The following CDC73 variants were observed in gnomAD, a reference collection of about 807,000 sequenced individuals.
The protein encoded by CDC73 is cell division cycle 73, also known as parafibromin.
In CDC73, 21 loss-of-function variants were observed where a neutral mutation model predicts 83.7. That is an observed-to-expected ratio of 0.25 (90% CI 0.18 to 0.36). The LOEUF (loss-of-function observed/expected upper bound fraction) is 0.36. Among genes scored for constraint, CDC73 ranks in the 10% least tolerant of loss-of-function variants. The pLI, the probability that CDC73 is intolerant of heterozygous loss-of-function variation, is 1.00. For missense variants in CDC73, 342 were observed against 653.3 expected, an observed-to-expected ratio of 0.52 and a Z score of 5.19; for synonymous variants, 224 against 212.9, an observed-to-expected ratio of 1.05 and a Z score of -0.45.
At chr1:193,246,002 A>G (rs2102070169) in intron 15 of CDC73, among the ~76,000 whole-genome samples, 1 of 152,088 alleles carries the variant, frequency 6.6e-6, no homozygotes, top group Admixed American at 6.6e-5. Context: ...TGAAATTTTT[A>G]AGTTTCTAGT....
chr1:193,222,803 T>C (rs936874912), intron 13 of CDC73, among the ~76,000 whole-genome samples: 1 of 151,840 alleles, frequency 6.6e-6, no homozygotes, highest in African/African-American at 2.4e-5. Flanking sequence ...CCCCCCTTTT[T>C]TCTCACCTCT....
At chr1:193,225,460 T>C (rs1268739748) in intron 13 of CDC73, among the ~76,000 whole-genome samples, 4 of 152,094 alleles carry the variant, frequency 2.6e-5, no homozygotes, top group African/African-American at 9.7e-5. Flanking sequence ...AGTTCTTCTT[T>C]TAGTTTTTTA....
At chr1:193,183,979 C>T (rs1160856167) in intron 10 of CDC73, among the ~76,000 whole-genome samples, 1 of 151,534 alleles carries the variant, frequency 6.6e-6, no homozygotes, top group Non-Finnish European at 1.5e-5. Flanking sequence ...ATTTATGTTG[C>T]TTTTATAAGA....
intron 15 of CDC73, among the ~76,000 whole-genome samples, chr1:193,241,791 C>T (rs748449750): frequency 1.2e-4 from 18 of 152,298 alleles, no homozygotes; most frequent in South Asian, 1.0e-3. Context: ...ACTGCTAGGG[C>T]GGCAGAAGGG....
At chr1:193,140,480 G>A (rs748689118) in intron 6 of CDC73, among the ~76,000 whole-genome samples, 1 of 152,176 alleles carries the variant, frequency 6.6e-6, no homozygotes, top group Admixed American at 6.5e-5. Flanking sequence ...GGAGTGCCAA[G>A]GTCACCTTGT....
At chr1:193,146,007 A>G (rs1399592533) in intron 7 of CDC73, among the ~76,000 whole-genome samples, 1 of 152,180 alleles carries the variant, frequency 6.6e-6, no homozygotes, top group Non-Finnish European at 1.5e-5. Flanking sequence ...TTGAGAGTAA[A>G]GAGGAGTGAT....
rs1553279099 is a variant in CDC73 at position 193,138,263 on chromosome 1, A to T, written c.512+90A>T. 7.9e-6 allele frequency: 7 copies of T among 887,494 alleles called. No homozygotes were observed. In the South Asian group the frequency reaches 9.3e-5, roughly 12 times the overall value. 55.0% of individuals were successfully genotyped at this position (887,494 alleles called of 1,614,324 possible). On this transcript the variant is annotated intron_variant, in intron 6 of 16. Coordinates refer to ENST00000367435, the MANE Select transcript of CDC73 (RefSeq NM_024529.5). ...ATATTAAAATGCTCTCCACATTTAC[A>T]TTTACCTCTTGGATTCATTTTATGC...
At chr1:193,132,078 A>G (rs1484029304) in intron 3 of CDC73, among the ~76,000 whole-genome samples, 2 of 152,188 alleles carry the variant, frequency 1.3e-5, no homozygotes, top group African/African-American at 4.8e-5. Context: ...TTATTAATTT[A>G]CTCTCTTACA....
chr1:193,163,997 T>C (rs1399980323), intron 10 of CDC73, among the ~76,000 whole-genome samples: 1 of 152,170 alleles, frequency 6.6e-6, no homozygotes, highest in Admixed American at 6.5e-5. Context: ...AGGCTGGCCT[T>C]GAACTCCTGA....
chr1:193,162,182 A>C (rs529902402), intron 10 of CDC73, among the ~76,000 whole-genome samples: 78 of 66,642 alleles, frequency 1.2e-3, no homozygotes, highest in African/African-American at 4.7e-3. Flanking sequence ...TATATATTAT[A>C]TATTATCTAT....
intron 13 of CDC73, among the ~76,000 whole-genome samples, chr1:193,212,940 T>C (rs912467919): frequency 6.6e-6 from 1 of 152,142 alleles, no homozygotes; most frequent in Non-Finnish European, 1.5e-5. Context: ...AATGCTTAAC[T>C]TTTCAAAAAT....
At position 193,205,951 on chromosome 1, in the gene CDC73, A is replaced by G. The variant is rs146062543; in HGVS notation, c.1030+2099A>G. Among the ~76,000 whole-genome samples the G allele has an allele frequency of 1.5e-4, 23 of 152,270 alleles. 1 individual carries two copies. The East Asian group carries it at 4.2e-3, about 28-fold the overall frequency. On this transcript the variant is annotated intron_variant, in intron 11 of 16. Coordinates refer to ENST00000367435, the MANE Select transcript of CDC73 (RefSeq NM_024529.5). ...CTTTGTAAGGTAGGGATGGGAGGTT[A>G]TGGTATGTCAGAAATGGTATTATAT...
At chr1:193,166,381 T>A (rs557011750) in intron 10 of CDC73, among the ~76,000 whole-genome samples, 1 of 152,262 alleles carries the variant, frequency 6.6e-6, no homozygotes, top group East Asian at 1.9e-4. Context: ...TCTCTAACGA[T>A]CCTCCTGCTT....
intron 10 of CDC73, chr1:193,180,341 C>T (rs747528647): frequency 1.2e-5 from 19 of 1,598,894 alleles, no homozygotes; most frequent in South Asian, 6.7e-5. Flanking sequence ...TCTTTTGCTG[C>T]GTTGGCACAG....
chr1:193,152,010 T>G (rs1448156996), intron 9 of CDC73, among the ~76,000 whole-genome samples: 1 of 152,168 alleles, frequency 6.6e-6, no homozygotes, highest in African/African-American at 2.4e-5. Context: ...AACACTACTT[T>G]TTATAACTTT....
At chr1:193,184,974 C>CTT (rs915191973) in intron 10 of CDC73, among the ~76,000 whole-genome samples, 1 of 151,912 alleles carries the variant, frequency 6.6e-6, no homozygotes, top group Non-Finnish European at 1.5e-5. Context: ...TTAGAAATAT[C>CTT]TTTAAGTTCT....
intron 1 of CDC73, chr1:193,122,711 TA>T (rs1675478830): frequency 5.7e-6 from 1 of 176,132 alleles, no homozygotes; most frequent in South Asian, 1.2e-4. Flanking sequence ...TTTTGTTCTT[TA>T]TTTTTTTTTT....
chr1:193,226,881 A>T (rs1037964607), intron 13 of CDC73, among the ~76,000 whole-genome samples: 10 of 152,272 alleles, frequency 6.6e-5, no homozygotes, highest in South Asian at 6.2e-4. Context: ...GAATAGCGTC[A>T]AAAGGATTGG....
chr1:193,189,370 T>G (rs1676881425), intron 10 of CDC73, among the ~76,000 whole-genome samples: 1 of 152,016 alleles, frequency 6.6e-6, no homozygotes, highest in African/African-American at 2.4e-5. Flanking sequence ...CCTACATGTT[T>G]CCAGTCAAGA....
Sources: gnomAD v4.1 joint callset for allele counts (sites outside exome capture counted in the v4.1 genomes callset) on GRCh38, gnomAD v4.1.1 for gene constraint, MANE v1.5 for transcripts, NCBI Gene and HGNC (gene_info 2026-07-23, HGNC 2026-07-21) for gene names.